The following WDR91 variants were observed in gnomAD, a reference collection of about 807,000 sequenced individuals.
WDR91 encodes WD repeat domain 91, also known as WD repeat-containing protein 91.
Under a neutral mutation model 88.4 loss-of-function variants are expected in WDR91, and 52 were observed. The observed-to-expected ratio is 0.59, with a 90% CI of 0.47 to 0.74. WDR91 has a LOEUF of 0.74. WDR91 is among the 30% of genes least tolerant of loss of function. The pLI is 0.00. For synonymous variants in WDR91, 362 were observed against 389.5 expected (o/e 0.93, Z 0.83); for missense variants, 824 against 954.5 (o/e 0.86, Z 1.80).
intron 14 of WDR91, 130 bp downstream of exon 14, chr7:135,186,842 T>C (rs1830961761): frequency 5.4e-6 from 6 of 1,110,006 alleles, no homozygotes; most frequent in Non-Finnish European, 6.7e-6. Context: ...AGCGATCCTT[T>C]GTCAAAGGCA....
Position 135,198,096 on chromosome 7 carries a change from C to T in WDR91, c.947G>A (p.Ser316Asn). 1 of 1,614,002 alleles carries T rather than the reference C, an allele frequency of 6.2e-7. No individual in the cohort carries two copies. Among genetic ancestry groups the T allele is most frequent in the Non-Finnish European group, 8.5e-7 (1 of 1,179,892 alleles). Residue 316 changes from serine to asparagine, a missense_variant, in exon 7 of 15, where the codon AGC becomes AAC. By Grantham distance (46) the Ser-to-Asn change is conservative. Transcript: ENST00000354475. ...SGAKDGKSLL[S>N]GLATGESGWS... is the part of the protein sequence containing the mutation. ...ACCGGACTCCCCAGTGGCCAGCCCG[C>T]TGAGGAGGCTCTTCCCATCCTTGGC...
chr7:135,187,539 G>A (rs1830996830), intron 13 of WDR91, among the ~76,000 whole-genome samples: 1 of 152,192 alleles, frequency 6.6e-6, no homozygotes, highest in South Asian at 2.1e-4. Flanking sequence ...AATGCTTCAA[G>A]TGACATATTA....
chr7:135,208,723 C>T (rs577231779), intron 3 of WDR91, 68 bp downstream of exon 3: 43 of 1,399,864 alleles, frequency 3.1e-5, no homozygotes, highest in Admixed American at 7.2e-5. Flanking sequence ...TGGAGACCAG[C>T]GGGCTACTGA....
rs1462310198 is a variant in WDR91, at chr7:135,186,151, T to C, written c.2244A>G (p.Ter748TrpextTer1). The C allele has an allele frequency of 1.3e-6, 2 of 1,589,766 alleles. No individual in the cohort carries two copies. The highest frequency in any genetic ancestry group is 1.7e-6 in the Non-Finnish European group (2 of 1,171,076). ...CTCGGGTGGCCCTTGGGGCAAGTCA[T>C]CAGGCTTTATGGGCCAGGAGGGTGG... ...KLTTLLAHKA[*>W] The change falls in exon 15 of 15, where the codon TGA (stop) becomes TGG (tryptophan). Residue 748 changes from the stop codon to tryptophan, a stop_lost. Coordinates refer to ENST00000354475, the MANE Select transcript of WDR91 (RefSeq NM_014149.4).
chr7:135,186,377 A>C, intron 14 of WDR91, 62 bp from the exon 15 acceptor site: 1 of 1,545,688 alleles, frequency 6.5e-7, no homozygotes, highest in East Asian at 2.4e-5. Context: ...CACTTGATCC[A>C]CTTTCAGTGG....
At chr7:135,209,421 A>G (rs925862399) in intron 2 of WDR91, 155 bp downstream of exon 2, 3 of 695,856 alleles carry the variant, frequency 4.3e-6, no homozygotes, top group Admixed American at 7.6e-5. Context: ...AAGGAAAAAA[A>G]AGAAGAAAAA....
intron 6 of WDR91, among the ~76,000 whole-genome samples, chr7:135,200,579 G>A (rs1359514155): frequency 6.6e-6 from 1 of 152,220 alleles, no homozygotes; most frequent in East Asian, 1.9e-4. Flanking sequence ...ATAACAAATG[G>A]ATGGACTGAT....
Position 135,186,016 on chromosome 7 carries a change from C to T in WDR91, c.*135G>A, listed in dbSNP as rs1051097147. 9.4e-7 allele frequency: 1 copy of T among 1,068,750 alleles called. No individual in the cohort carries two copies. Among genetic ancestry groups the T allele is most frequent in the Non-Finnish European group, 1.3e-6 (1 of 779,636 alleles). 66.2% of individuals were successfully genotyped at this position (1,068,750 alleles called of 1,614,324 possible). A position where few individuals can be genotyped will look rare whatever the true frequency, so the allele number is the denominator to read the frequency against. The stretch of plus-strand genomic sequence containing the variant: ...TCACCACAGATGGAAGCACCTGAGC[C>T]TCCTTGCCAGTCTTTCCCTGCAGAG... On this transcript the variant is annotated 3_prime_UTR_variant, in exon 15 of 15. Transcript: ENST00000354475.
chr7:135,192,028 A>G (rs1022151898), intron 11 of WDR91, among the ~76,000 whole-genome samples: 4 of 151,974 alleles, frequency 2.6e-5, no homozygotes, highest in Non-Finnish European at 5.9e-5. Context: ...CTGGAAACAC[A>G]CTGGCAGCAT....
intron 6 of WDR91, chr7:135,202,325 G>C (rs1831603611): frequency 6.6e-6 from 1 of 152,144 alleles, no homozygotes. Context: ...AAACATTAAT[G>C]CTGAATCTAA....
chr7:135,204,174 G>T, intron 6 of WDR91, 94 bp downstream of exon 6: 1 of 1,443,748 alleles, frequency 6.9e-7, no homozygotes, highest in Non-Finnish European at 9.4e-7. Flanking sequence ...TAAAAGGAGG[G>T]CAAACAAGTC....
chr7:135,195,367 G>T (rs1831323324), intron 8 of WDR91, among the ~76,000 whole-genome samples: 1 of 152,254 alleles, frequency 6.6e-6, no homozygotes, highest in Non-Finnish European at 1.5e-5. Flanking sequence ...GCCATTTGCA[G>T]TCTCTGGAGA....
chr7:135,194,015 C>T (rs938569406), intron 9 of WDR91: 7 of 282,142 alleles, frequency 2.5e-5, no homozygotes, highest in Non-Finnish European at 4.1e-5. Context: ...CCCTTCCTTC[C>T]CACTCTTGGT....
At chr7:135,198,469 G>A (rs1182689694) in intron 6 of WDR91, 3 of 284,424 alleles carry the variant, frequency 1.1e-5, no homozygotes, top group Non-Finnish European at 2.0e-5. Context: ...CTTACTAAGT[G>A]ATGACTAAGG....
At chr7:135,192,242 C>T (rs974176995) in intron 11 of WDR91, among the ~76,000 whole-genome samples, 2 of 151,646 alleles carry the variant, frequency 1.3e-5, no homozygotes, top group African/African-American at 4.8e-5. Flanking sequence ...CTCAGCCTCC[C>T]AAGTAGCTGG....
intron 12 of WDR91, 61 bp from the exon 13 acceptor site, chr7:135,188,606 T>A: frequency 7.1e-7 from 1 of 1,409,802 alleles, no homozygotes; most frequent in Non-Finnish European, 1.0e-6. Flanking sequence ...GGAATCTGCC[T>A]GCAGCAGGAG....
In WDR91 at chr7:135,186,993, G is replaced by A. The variant is rs1238948801; in HGVS notation, c.2058C>T (p.Ala686=). 1 of 1,614,016 alleles carries A rather than the reference G, an allele frequency of 6.2e-7. No individual in the cohort carries two copies. The highest frequency in any genetic ancestry group is 1.7e-5 in the Admixed American group (1 of 60,032). The change falls in exon 14 of 15, where the codon GCC becomes GCT. Residue 686 remains alanine, a synonymous_variant. Coordinates refer to ENST00000354475, the MANE Select transcript of WDR91 (RefSeq NM_014149.4). The part of the protein sequence containing the change: ...SEGNYMLTCS[A]TGGVIYKLGG... The stretch of plus-strand genomic sequence containing the variant: ...TTACCTTGTAGATGACGCCGCCTGT[G>A]GCAGAACATGTCAGCATGTAATTTC...
Position 135,184,847 on chromosome 7 carries a change from G to A in WDR91, c.*1304C>T, listed in dbSNP as rs143751418. 6.6e-6 allele frequency: 1 copy of A among 152,270 alleles called. No homozygotes were observed. Among genetic ancestry groups the A allele is most frequent in the East Asian group, 1.9e-4 (1 of 5,186 alleles). The allele number at this position is 152,270 out of a possible 1,614,324, so 9.4% of individuals were successfully genotyped here. A position where few individuals can be genotyped will look rare whatever the true frequency, so the allele number is the denominator to read the frequency against. ...ACCAAATGAAAAAGGTACAGGTTGAGCGTCCTTAACCCAAAGATCCAAAAT... is the reference window on the plus strand; with the variant it reads ...ACCAAATGAAAAAGGTACAGGTTGAACGTCCTTAACCCAAAGATCCAAAAT... On this transcript the variant is annotated 3_prime_UTR_variant, in exon 15 of 15. Coordinates refer to ENST00000354475, the MANE Select transcript of WDR91 (RefSeq NM_014149.4).
At chr7:135,210,082 GCTCACGC>G (rs1219365023) in intron 1 of WDR91, among the ~76,000 whole-genome samples, 1 of 152,188 alleles carries the variant, frequency 6.6e-6, no homozygotes, top group African/African-American at 2.4e-5. Flanking sequence ...AGGCACCGTG[GCTCACGC>G]CTGTAATCCC....
Sources: allele counts gnomAD v4.1 joint callset (sites outside exome capture counted in the v4.1 genomes callset), GRCh38; gene constraint gnomAD v4.1.1; transcripts MANE v1.5; gene names NCBI Gene and HGNC (gene_info 2026-07-23, HGNC 2026-07-21).